The following RABGAP1L variants were observed in gnomAD, a reference collection of about 807,000 sequenced individuals.
The protein encoded by RABGAP1L is RAB GTPase activating protein 1 like, also known as rab GTPase-activating protein 1-like.
In RABGAP1L, 63 loss-of-function variants were observed where a neutral mutation model predicts 137.7. The ratio of observed to expected loss-of-function variants is 0.46; its 90% CI spans 0.37 to 0.56. The LOEUF is 0.56. RABGAP1L is among the 20% of genes least tolerant of loss of function. The probability of loss-of-function intolerance (pLI) is 0.00; values close to 1 mark genes in which losing one functional copy is unlikely to be tolerated. For missense variants in RABGAP1L, 1,095 were observed against 1,244.0 expected, an observed-to-expected ratio of 0.88 and a Z score of 1.80; for synonymous variants, 431 against 433.7, an observed-to-expected ratio of 0.99 and a Z score of 0.08.
At chr1:174,650,573 G>A (rs1350075350) in intron 14 of RABGAP1L, among the ~76,000 whole-genome samples, 3 of 152,070 alleles carry the variant, frequency 2.0e-5, no homozygotes, top group Non-Finnish European at 2.9e-5. Flanking sequence ...GAGGGTGTAC[G>A]TGTCGAGGAA....
chr1:174,986,631 T>G (rs932681498), intron 24 of RABGAP1L, among the ~76,000 whole-genome samples: 4 of 152,212 alleles, frequency 2.6e-5, no homozygotes, highest in Non-Finnish European at 5.9e-5. Flanking sequence ...ATGAATACAT[T>G]TTCTGTAGGA....
chr1:174,947,267 A>G (rs1159395954), intron 19 of RABGAP1L, among the ~76,000 whole-genome samples: 2 of 150,216 alleles, frequency 1.3e-5, no homozygotes, highest in African/African-American at 4.9e-5. Context: ...TTTAGTAGAG[A>G]CAGGGTTTCA....
intron 10 of RABGAP1L, among the ~76,000 whole-genome samples, chr1:174,279,592 C>T (rs1675312088): frequency 6.6e-6 from 1 of 152,000 alleles, no homozygotes; most frequent in Admixed American, 6.6e-5. Context: ...AAAAAAACTG[C>T]CATGGCGCAT....
chr1:174,885,599 TC>T (rs909247937), intron 19 of RABGAP1L, among the ~76,000 whole-genome samples: 1 of 151,612 alleles, frequency 6.6e-6, no homozygotes, highest in Non-Finnish European at 1.5e-5. Flanking sequence ...CAAGTGATCC[TC>T]CCCCCTCGGC....
At chr1:174,441,460 T>A (rs1430854591) in intron 13 of RABGAP1L, among the ~76,000 whole-genome samples, 2 of 152,114 alleles carry the variant, frequency 1.3e-5, no homozygotes, top group African/African-American at 4.8e-5. Flanking sequence ...GTCAGCCAGG[T>A]GTGGTGTCTC....
intron 11 of RABGAP1L, among the ~76,000 whole-genome samples, chr1:174,341,950 C>A (rs1052957365): frequency 4.6e-5 from 7 of 152,074 alleles, no homozygotes; most frequent in Admixed American, 3.9e-4. Context: ...GAACTCTGTA[C>A]TTGAAGGGTC....
At chr1:174,985,492 G>A (rs957883997) in intron 24 of RABGAP1L, among the ~76,000 whole-genome samples, 13 of 152,320 alleles carry the variant, frequency 8.5e-5, no homozygotes, top group African/African-American at 3.1e-4. Flanking sequence ...GTAGAACCAG[G>A]ATTTAAGCCT....
intron 13 of RABGAP1L, among the ~76,000 whole-genome samples, chr1:174,614,059 G>A (rs569232986): frequency 5.8e-4 from 88 of 152,180 alleles, no homozygotes; most frequent in African/African-American, 2.0e-3. Flanking sequence ...CCATTTACAT[G>A]TAAAGTTAAT....
In RABGAP1L at chr1:174,699,663, T is replaced by C. The variant is rs1679504578; in HGVS notation, c.2025+13T>C. 9 of 1,588,870 alleles carry C rather than the reference T, an allele frequency of 5.7e-6. No individual in the cohort carries two copies. In the East Asian group the frequency reaches 1.3e-4, roughly 24 times the overall value. Reference sequence around the variant, plus strand: ...GAGACTAATGCAGGTAAATAAAAATTAGGAACTTTTATCACTCAGGGATTT... The same window carrying C: ...GAGACTAATGCAGGTAAATAAAAATCAGGAACTTTTATCACTCAGGGATTT... On this transcript the variant is annotated intron_variant, in intron 16 of 25. Coordinates refer to ENST00000681986, the MANE Select transcript of RABGAP1L (RefSeq NM_001366446.1).
At chr1:174,841,430 A>G (rs916811985) in intron 19 of RABGAP1L, among the ~76,000 whole-genome samples, 29 of 152,092 alleles carry the variant, frequency 1.9e-4, no homozygotes, top group African/African-American at 6.8e-4. Context: ...AAAACAATAC[A>G]TATCAGAACT....
At chr1:174,296,913 TA>T (rs2148738369) in intron 10 of RABGAP1L, among the ~76,000 whole-genome samples, 1 of 152,370 alleles carries the variant, frequency 6.6e-6, no homozygotes, top group East Asian at 1.9e-4. Flanking sequence ...GAACTGATTA[TA>T]ATACAAATAA....
chr1:174,987,498 G>A (rs1220238487), intron 24 of RABGAP1L, among the ~76,000 whole-genome samples: 1 of 152,112 alleles, frequency 6.6e-6, no homozygotes, highest in East Asian at 1.9e-4. Flanking sequence ...GCTGGACATG[G>A]GATGAAAGAG....
intron 18 of RABGAP1L, among the ~76,000 whole-genome samples, chr1:174,801,240 A>G (rs1688736888): frequency 6.6e-6 from 1 of 152,194 alleles, no homozygotes; most frequent in African/African-American, 2.4e-5. Context: ...GTAGTCCTAT[A>G]CCATTATGTG....
intron 13 of RABGAP1L, among the ~76,000 whole-genome samples, chr1:174,619,436 A>G (rs1001505112): frequency 6.6e-6 from 1 of 152,220 alleles, no homozygotes; most frequent in Non-Finnish European, 1.5e-5. Flanking sequence ...CTAACAGCAG[A>G]TCTCTCGGCA....
intron 19 of RABGAP1L, among the ~76,000 whole-genome samples, chr1:174,918,423 T>G (rs1346104915): frequency 6.6e-6 from 1 of 152,222 alleles, no homozygotes; most frequent in African/African-American, 2.4e-5. Flanking sequence ...AGAGTATTTA[T>G]TGCAAACCAC....
chr1:174,727,106 A>G (rs1478129221), intron 17 of RABGAP1L, among the ~76,000 whole-genome samples: 1 of 152,152 alleles, frequency 6.6e-6, no homozygotes, highest in Non-Finnish European at 1.5e-5. Context: ...TTCCTTCTCC[A>G]TAAGAAGAAG....
chr1:174,384,382 G>T (rs1686551820), intron 12 of RABGAP1L, among the ~76,000 whole-genome samples: 1 of 151,814 alleles, frequency 6.6e-6, no homozygotes, highest in African/African-American at 2.4e-5. Context: ...AAATCTCACA[G>T]AATTGTATAC....
chr1:174,329,633 T>C (rs1485292365), intron 11 of RABGAP1L, among the ~76,000 whole-genome samples: 1 of 152,174 alleles, frequency 6.6e-6, no homozygotes, highest in South Asian at 2.1e-4. Flanking sequence ...TTCACCATTA[T>C]CTAGAAGGAT....
chr1:174,957,790 CTTGA>C lies in RABGAP1L; in HGVS notation c.2433+248_2433+251del, dbSNP rs778505176. 7 of 1,069,034 alleles carry C rather than the reference CTTGA, an allele frequency of 6.5e-6. No homozygotes were observed. The East Asian group carries it at 1.8e-4, about 27-fold the overall frequency. 66.2% of individuals were successfully genotyped at this position (1,069,034 alleles called of 1,614,324 possible). On this transcript the variant is annotated intron_variant, in intron 20 of 25. Coordinates refer to ENST00000681986, the MANE Select transcript of RABGAP1L (RefSeq NM_001366446.1). ...GCAAGTTCAATTCCCTCTGTTCTTCCTTGATTGATTTAGATGCTCTCTGATCATG... is the reference window on the plus strand; with the variant it reads ...GCAAGTTCAATTCCCTCTGTTCTTCCTTGATTTAGATGCTCTCTGATCATG...
Sources: gnomAD v4.1 joint callset for allele counts (sites outside exome capture counted in the v4.1 genomes callset) on GRCh38, gnomAD v4.1.1 for gene constraint, MANE v1.5 for transcripts, NCBI Gene and HGNC (gene_info 2026-07-23, HGNC 2026-07-21) for gene names.